Variants in ABHD5 observed in about 807,000 individuals in gnomAD.
ABHD5 encodes the protein abhydrolase domain containing 5, lysophosphatidic acid acyltransferase, also known as 1-acylglycerol-3-phosphate O-acyltransferase ABHD5.
Under a neutral mutation model 44.9 loss-of-function variants are expected in ABHD5, and 30 were observed. That is an observed-to-expected ratio of 0.67 (90% CI 0.50 to 0.91). The LOEUF (loss-of-function observed/expected upper bound fraction) is 0.91, where lower values mean the gene tolerates loss of function less well. Ranked by LOEUF, ABHD5 falls within the 40% of genes least tolerant of loss-of-function variation. The probability of loss-of-function intolerance (pLI) is 0.00; values close to 1 mark genes in which losing one functional copy is unlikely to be tolerated. For missense variants in ABHD5, 399 were observed against 423.4 expected (o/e 0.94, Z 0.50); for synonymous variants, 167 against 147.0 (o/e 1.14, Z -0.99).
At chr3:43,718,067 C>CT (rs2084790135) in intron 6 of ABHD5, among the ~76,000 whole-genome samples, 1 of 152,142 alleles carries the variant, frequency 6.6e-6, no homozygotes, top group Non-Finnish European at 1.5e-5. Context: ...TTCTGAATGA[C>CT]TTTTCCTGTC....
chr3:43,725,416 A>G (rs2084870957), downstream of ABHD5, among the ~76,000 whole-genome samples: 8 of 152,236 alleles, frequency 5.3e-5, no homozygotes, highest in Non-Finnish European at 1.5e-5. Context: ...GCCTGGCTTA[A>G]TTAGATTAGC....
downstream of ABHD5, chr3:43,722,756 G>A (rs1559422227): frequency 1.3e-5 from 2 of 152,040 alleles, no homozygotes; most frequent in African/African-American, 4.8e-5. Flanking sequence ...CAATGATATT[G>A]GTAGTGTCAT....
chr3:43,717,173 TCAAAAAAAA>T (rs1034162382), intron 5 of ABHD5, among the ~76,000 whole-genome samples: 13 of 144,372 alleles, frequency 9.0e-5, no homozygotes, highest in Admixed American at 1.4e-4. Flanking sequence ...AGACTCCATC[TCAAAAAAAA>T]CAAAAAAAAC....
intron 3 of ABHD5, among the ~76,000 whole-genome samples, 198 bp from the exon 4 acceptor site, chr3:43,711,511 C>T (rs1275599334): frequency 6.6e-6 from 1 of 152,152 alleles, no homozygotes; most frequent in Non-Finnish European, 1.5e-5. Flanking sequence ...CTCTTTCTAC[C>T]ATACACCTCT....
At chr3:43,733,633 G>A (rs911211999) in intron 7 of ABHD5, among the ~76,000 whole-genome samples, 7 of 152,134 alleles carry the variant, frequency 4.6e-5, no homozygotes, top group African/African-American at 7.2e-5. Flanking sequence ...CCTGCCATTC[G>A]CAGTAATTTA....
chr3:43,709,211 T>A lies in ABHD5; in HGVS notation c.507-2498T>A, dbSNP rs1001647197. On this transcript the variant is annotated intron_variant, in intron 3 of 6. Coordinates refer to ENST00000644371, the MANE Select transcript of ABHD5 (RefSeq NM_016006.6). Reference sequence around the variant, plus strand: ...AGCCTCATGCTAGGTTATGAAGACATAGAATTGAGCAATTGTAGGGACAGT... The same window carrying A: ...AGCCTCATGCTAGGTTATGAAGACAAAGAATTGAGCAATTGTAGGGACAGT... 2.0e-5 allele frequency among the ~76,000 whole-genome samples: 3 copies of A among 150,194 alleles called. No individual in the cohort carries two copies. The South Asian group carries it at 6.3e-4, about 31-fold the overall frequency.
At chr3:43,724,191 C>G (rs1162482436), downstream of ABHD5, among the ~76,000 whole-genome samples, 1 of 152,068 alleles carries the variant, frequency 6.6e-6, no homozygotes, top group African/African-American at 2.4e-5. Flanking sequence ...TTGGATAATG[C>G]CAGTATGGAT....
rs1430242765 is a variant in ABHD5, at chr3:43,711,717, A to T, written c.515A>T (p.His172Leu). Residue 172 changes from histidine to leucine, a missense_variant, in exon 4 of 7, where the codon CAT becomes CTT. Coordinates refer to ENST00000644371, the MANE Select transcript of ABHD5 (RefSeq NM_016006.6). Reference protein sequence around the residue: ...YSLKYPSRVNHLILVEPWGFP... With the variant: ...YSLKYPSRVNLLILVEPWGFP... ...ATTCTTTCCCCCAACAGGGTTAATC[A>T]TCTCATTTTAGTGGAGCCTTGGGGT... 2 of 1,614,158 alleles carry T rather than the reference A, an allele frequency of 1.2e-6. No individual in the cohort carries two copies. The highest frequency in any genetic ancestry group is 2.2e-5 in the East Asian group (1 of 44,876).
chr3:43,734,342 A>C (rs1575612621), exon 8 of ABHD5: 1 of 152,180 alleles, frequency 6.6e-6, no homozygotes, highest in African/African-American at 2.4e-5. Flanking sequence ...GGCTGAAGTT[A>C]AACTTCAGAT....
At position 43,702,473 on chromosome 3, in the gene ABHD5, T is replaced by C; in HGVS notation, c.392T>C (p.Phe131Ser). The change falls in exon 3 of 7, where the codon TTT (phenylalanine) becomes TCT (serine). Residue 131 changes from phenylalanine to serine, a missense_variant. Transcript: ENST00000644371. The stretch of plus-strand genomic sequence containing the variant: ...GATGCAGAAGAAGTGGAGAATCAGT[T>C]TGTGGAATCCATTGAAGAGTGGAGA... Reference protein sequence around the residue: ...DSDAEEVENQFVESIEEWRCA... With the variant: ...DSDAEEVENQSVESIEEWRCA... 6.2e-7 allele frequency: 1 copy of C among 1,614,200 alleles called. No individual in the cohort carries two copies. Among genetic ancestry groups the C allele is most frequent in the Non-Finnish European group, 8.5e-7 (1 of 1,180,040 alleles).
In ABHD5 at chr3:43,702,337, G is replaced by A; in HGVS notation, c.256G>A (p.Gly86Arg). 1.2e-6 allele frequency: 2 copies of A among 1,613,280 alleles called. No homozygotes were observed. Among genetic ancestry groups the A allele is most frequent in the Non-Finnish European group, 1.7e-6 (2 of 1,179,218 alleles). The part of the protein sequence containing the change: ...TPLVLLHGFG[G>R]GLGLWALNFG... ...ACTTGTCCTTCTCCATGGTTTTGGA[G>A]GAGGTCTTGGGCTCTGGGCACTGAA... The change falls in exon 3 of 7, where the codon GGA becomes AGA. Residue 86 changes from glycine (G) to arginine (R), a missense_variant. Coordinates refer to ENST00000644371, the MANE Select transcript of ABHD5 (RefSeq NM_016006.6).
intron 1 of ABHD5, among the ~76,000 whole-genome samples, chr3:43,696,186 C>G (rs540185667): frequency 6.6e-6 from 1 of 152,300 alleles, no homozygotes; most frequent in South Asian, 2.1e-4. Context: ...ACAGTTGACA[C>G]TTTGGTCACT....
At chr3:43,715,095 G>GTT in intron 5 of ABHD5, 37 bp downstream of exon 5, 4 of 1,087,684 alleles carry the variant, frequency 3.7e-6, no homozygotes, top group Non-Finnish European at 5.7e-6. Context: ...CTGTGTGTGT[G>GTT]TGTGTGTGTG....
chr3:43,733,287 C>T (rs1697274777), intron 7 of ABHD5, among the ~76,000 whole-genome samples: 1 of 152,166 alleles, frequency 6.6e-6, no homozygotes, highest in African/African-American at 2.4e-5. Flanking sequence ...TGGTCATACA[C>T]CTGAGTTATA....
At chr3:43,726,978 TTTAA>T (rs2084881994), downstream of ABHD5, among the ~76,000 whole-genome samples, 1 of 152,216 alleles carries the variant, frequency 6.6e-6, no homozygotes, top group Admixed American at 6.5e-5. Context: ...GAACTCTCAG[TTTAA>T]TTATTAATAC....
At chr3:43,705,961 C>G (rs963985279) in intron 3 of ABHD5, among the ~76,000 whole-genome samples, 8 of 151,876 alleles carry the variant, frequency 5.3e-5, no homozygotes, top group Admixed American at 2.6e-4. Flanking sequence ...TAATATAGTT[C>G]GATAGACTCA....
chr3:43,698,983 TTG>T (rs2084506483), intron 1 of ABHD5, among the ~76,000 whole-genome samples: 1 of 152,218 alleles, frequency 6.6e-6, no homozygotes, highest in Non-Finnish European at 1.5e-5. Flanking sequence ...AATGCATTTT[TTG>T]TGTTTTCTTG....
chr3:43,717,711 T>C lies in ABHD5; in HGVS notation c.814T>C (p.Trp272Arg). 1 of 1,614,228 alleles carries C rather than the reference T, an allele frequency of 6.2e-7. No individual in the cohort carries two copies. Residue 272 changes from tryptophan to arginine, a missense_variant, in exon 6 of 7, where the codon TGG (tryptophan) becomes CGG (arginine). Coordinates refer to ENST00000644371, the MANE Select transcript of ABHD5 (RefSeq NM_016006.6). ...CAAGAATATGACTATTCCTTATGGA[T>C]GGGCAAAAAGGCCAATGCTCCAGCG... The part of the protein sequence containing the change: ...AFKNMTIPYG[W>R]AKRPMLQRIG...
At chr3:43,702,181 A>G (rs776529778) in intron 2 of ABHD5, 34 bp from the exon 3 acceptor site, 2 of 1,562,790 alleles carry the variant, frequency 1.3e-6, no homozygotes, top group African/African-American at 1.4e-5. Context: ...AAGTAATAAA[A>G]TGAAACAGAA....
Sources: gnomAD v4.1 joint callset for allele counts (sites outside exome capture counted in the v4.1 genomes callset) on GRCh38, gnomAD v4.1.1 for gene constraint, MANE v1.5 for transcripts, NCBI Gene and HGNC (gene_info 2026-07-23, HGNC 2026-07-21) for gene names.